The following CNOT4 variants were observed in gnomAD, a reference collection of about 807,000 sequenced individuals.
CNOT4 encodes CCR4-NOT transcription complex subunit 4.
A neutral mutation model predicts 73.8 loss-of-function variants in CNOT4; 8 were observed. The ratio of observed to expected loss-of-function variants is 0.11; its 90% CI spans 0.06 to 0.20. CNOT4 has a LOEUF of 0.20. Among genes scored for constraint, CNOT4 ranks in the 10% least tolerant of loss-of-function variants. The pLI, the probability that CNOT4 is intolerant of heterozygous loss-of-function variation, is 1.00. For synonymous variants in CNOT4, 293 were observed against 321.1 expected (o/e 0.91, Z 0.94); for missense variants, 564 against 883.4 (o/e 0.64, Z 4.58).
rs1367493068 is a variant in CNOT4 at position 135,487,136 on chromosome 7, A to G, written c.-93+22753T>C. On this transcript the variant is annotated intron_variant, in intron 1 of 11. Transcript: ENST00000541284. Reference sequence around the variant, plus strand: ...CTCATTGTCCTTGTTTATAAAACCTATGTTTTCTCAATTACAACCATTTAA... The same window carrying G: ...CTCATTGTCCTTGTTTATAAAACCTGTGTTTTCTCAATTACAACCATTTAA... Among the ~76,000 whole-genome samples the G allele has an allele frequency of 2.0e-5, 3 of 150,024 alleles. No homozygotes were observed. In the South Asian group the frequency reaches 6.3e-4, roughly 31 times the overall value.
chr7:135,388,275 C>G lies in CNOT4; in HGVS notation c.1627+5643G>C, dbSNP rs1796223395. The G allele has an allele frequency of 5.1e-6, 5 of 985,326 alleles. No homozygotes were observed. In the South Asian group the frequency reaches 1.9e-4, roughly 37 times the overall value. The allele number at this position is 985,326 out of a possible 1,614,324, so 61.0% of individuals were successfully genotyped here. A position where few individuals can be genotyped will look rare whatever the true frequency, so the allele number is the denominator to read the frequency against. Reference sequence around the variant, plus strand: ...TATTATAGGATATAAATCTAGACAACTAAAAACAATCGCCAACAATATCCT... The same window carrying G: ...TATTATAGGATATAAATCTAGACAAGTAAAAACAATCGCCAACAATATCCT... On this transcript the variant is annotated intron_variant, in intron 10 of 11. Transcript: ENST00000541284.
At chr7:135,395,203 G>A (rs1429915513) in intron 9 of CNOT4, among the ~76,000 whole-genome samples, 2 of 152,008 alleles carry the variant, frequency 1.3e-5, no homozygotes, top group African/African-American at 4.8e-5. Context: ...GGGCAGTATA[G>A]CAAGACCCTG....
intron 10 of CNOT4, among the ~76,000 whole-genome samples, chr7:135,368,261 T>C (rs886964667): frequency 2.0e-5 from 3 of 152,150 alleles, no homozygotes; most frequent in Non-Finnish European, 4.4e-5. Context: ...GCAGAATCCA[T>C]AGTAAGCGGA....
intron 3 of CNOT4, 78 bp downstream of exon 3, chr7:135,422,078 A>G (rs1358220034): frequency 1.2e-6 from 1 of 817,522 alleles, no homozygotes; most frequent in African/African-American, 1.7e-5. Flanking sequence ...CACACAATTG[A>G]GCAGGGTCAA....
chr7:135,460,872 T>C (rs935485434), intron 1 of CNOT4, among the ~76,000 whole-genome samples: 1 of 152,246 alleles, frequency 6.6e-6, no homozygotes. Flanking sequence ...TGTGACCATG[T>C]AGAGCTTTCT....
At chr7:135,489,171 T>C (rs1802934319) in intron 1 of CNOT4, among the ~76,000 whole-genome samples, 1 of 152,004 alleles carries the variant, frequency 6.6e-6, no homozygotes, top group Non-Finnish European at 1.5e-5. Context: ...GTAAATCACA[T>C]ATATAATTTT....
intron 8 of CNOT4, 134 bp downstream of exon 8, chr7:135,398,035 T>C (rs912263946): frequency 3.0e-6 from 2 of 661,772 alleles, no homozygotes; most frequent in Admixed American, 2.9e-5. Flanking sequence ...AATTATAATA[T>C]GATTAATAAA....
intron 10 of CNOT4, among the ~76,000 whole-genome samples, chr7:135,392,756 A>G (rs745752862): frequency 7.9e-5 from 12 of 152,184 alleles, no homozygotes; most frequent in Non-Finnish European, 1.6e-4. Flanking sequence ...CACTATGTCA[A>G]CAGCCACAAA....
At chr7:135,397,655 C>T (rs1416913094) in intron 8 of CNOT4, among the ~76,000 whole-genome samples, 2 of 150,942 alleles carry the variant, frequency 1.3e-5, no homozygotes, top group Admixed American at 6.6e-5. Flanking sequence ...TGACATAAAG[C>T]ATGCTCTAAC....
intron 1 of CNOT4, among the ~76,000 whole-genome samples, chr7:135,484,478 A>G (rs1281974916): frequency 1.3e-5 from 2 of 152,066 alleles, no homozygotes; most frequent in African/African-American, 4.8e-5. Context: ...AACATACAAA[A>G]ATCAGTCTTA....
chr7:135,387,993 A>C (rs1796206482), intron 10 of CNOT4: 13 of 983,116 alleles, frequency 1.3e-5, no homozygotes, highest in Non-Finnish European at 1.4e-5. Context: ...TTCAGTAACA[A>C]TGTTACACTA....
chr7:135,421,164 A>G (rs769324069), intron 3 of CNOT4, among the ~76,000 whole-genome samples: 1 of 152,264 alleles, frequency 6.6e-6, no homozygotes, highest in Non-Finnish European at 1.5e-5. Flanking sequence ...CACATCATCA[A>G]TAAAGATTAA....
chr7:135,504,484 T>TTG (rs1554447779), intron 1 of CNOT4, among the ~76,000 whole-genome samples: 1 of 67,032 alleles, frequency 1.5e-5, no homozygotes. Context: ...TTTTTTTTTT[T>TTG]TTTTTATTTT....
chr7:135,380,373 C>T (rs774172601), intron 10 of CNOT4, among the ~76,000 whole-genome samples: 2 of 152,132 alleles, frequency 1.3e-5, no homozygotes, highest in Non-Finnish European at 1.5e-5. Flanking sequence ...TAAACTCCAC[C>T]TCTGTTTTAC....
At chr7:135,437,665 G>A (rs1326495728) in intron 2 of CNOT4, among the ~76,000 whole-genome samples, 131 of 151,988 alleles carry the variant, frequency 8.6e-4, no homozygotes, top group Non-Finnish European at 1.6e-4. Flanking sequence ...TTGCTGTAAG[G>A]GCTCAAGAAA....
chr7:135,441,281 AAG>A (rs1239008309), intron 1 of CNOT4, among the ~76,000 whole-genome samples: 1 of 152,190 alleles, frequency 6.6e-6, no homozygotes, highest in Admixed American at 6.5e-5. Flanking sequence ...CCTTTAAAAA[AAG>A]AGGAAAATTG....
chr7:135,454,486 T>A (rs1800399364), intron 1 of CNOT4, among the ~76,000 whole-genome samples: 1 of 148,172 alleles, frequency 6.7e-6, no homozygotes, highest in South Asian at 2.2e-4. Flanking sequence ...AAACCCTATC[T>A]CTATAAAAAT....
At chr7:135,484,774 A>G (rs1802612694) in intron 1 of CNOT4, among the ~76,000 whole-genome samples, 2 of 152,050 alleles carry the variant, frequency 1.3e-5, no homozygotes, top group South Asian at 4.1e-4. Context: ...AAAAAAATCA[A>G]AAATCAAAAA....
chr7:135,500,108 T>C (rs1279271031), intron 1 of CNOT4, among the ~76,000 whole-genome samples: 1 of 152,192 alleles, frequency 6.6e-6, no homozygotes, highest in Non-Finnish European at 1.5e-5. Flanking sequence ...GTTCATGGCA[T>C]TATGATAGGT....
Sources: gnomAD v4.1 joint callset for allele counts (sites outside exome capture counted in the v4.1 genomes callset) on GRCh38, gnomAD v4.1.1 for gene constraint, MANE v1.5 for transcripts, NCBI Gene and HGNC (gene_info 2026-07-23, HGNC 2026-07-21) for gene names.